DCT: variants seen among roughly 807,000 people sequenced by gnomAD.
The protein encoded by DCT is L-dopachrome tautomerase.
DCT carries 47 observed loss-of-function variants against 53.0 expected under a neutral mutation model. The observed-to-expected ratio is 0.89, with a 90% CI of 0.70 to 1.13. The LOEUF (loss-of-function observed/expected upper bound fraction) is 1.13, where lower values mean the gene tolerates loss of function less well. DCT is among the 50% of genes most tolerant of loss of function. The pLI is 0.00. For synonymous variants in DCT, 244 were observed against 237.0 expected (o/e 1.03, Z -0.27); for missense variants, 669 against 637.4 (o/e 1.05, Z -0.53).
At chr13:94,458,072 T>G (rs1883526964) in intron 6 of DCT, among the ~76,000 whole-genome samples, 1 of 152,158 alleles carries the variant, frequency 6.6e-6, no homozygotes, top group African/African-American at 2.4e-5. Context: ...TTGTCCAAGA[T>G]GCAAGATGCG....
At chr13:94,529,375 A>T in the DCT span, among the ~76,000 whole-genome samples, 1 of 152,204 alleles carries the variant, frequency 6.6e-6, no homozygotes, top group Non-Finnish European at 1.5e-5. Context: ...TCTAAAATTG[A>T]CCACATAATT....
At chr13:94,453,917 C>T (rs1160972028) in intron 6 of DCT, among the ~76,000 whole-genome samples, 2 of 152,164 alleles carry the variant, frequency 1.3e-5, no homozygotes, top group East Asian at 1.9e-4. Flanking sequence ...CAGACTGATA[C>T]ACCTATCCTT....
At chr13:94,478,132 G>C (rs1885217723) in intron 1 of DCT, among the ~76,000 whole-genome samples, 1 of 151,966 alleles carries the variant, frequency 6.6e-6, no homozygotes, top group Non-Finnish European at 1.5e-5. Context: ...AAAAGCCATT[G>C]TTATCTAATA....
chr13:94,546,317 T>C, the DCT span, among the ~76,000 whole-genome samples: 558 of 152,270 alleles, frequency 3.7e-3, 3 homozygotes, highest in African/African-American at 0.013. The surrounding 1 kb of genome is among the most constrained non-coding windows in gnomAD (Gnocchi z 4.2). Context: ...AGTTTTCACC[T>C]TCCTGACTCT....
chr13:94,495,194 T>A, the DCT span, among the ~76,000 whole-genome samples: 1 of 152,176 alleles, frequency 6.6e-6, no homozygotes, highest in East Asian at 1.9e-4. Context: ...CCTGCCAGGC[T>A]CAAGCCATCC....
chr13:94,464,032 GA>G (rs1883991759), intron 4 of DCT, among the ~76,000 whole-genome samples: 1 of 152,194 alleles, frequency 6.6e-6, no homozygotes, highest in African/African-American at 2.4e-5. Context: ...CTTGATGACG[GA>G]AATCTCTTTT....
the DCT span, among the ~76,000 whole-genome samples, chr13:94,493,324 A>G: frequency 6.6e-6 from 1 of 152,228 alleles, no homozygotes; most frequent in Non-Finnish European, 1.5e-5. Flanking sequence ...AAAATAGTAC[A>G]TATAATCATT....
At position 94,468,958 on chromosome 13, in the gene DCT, T is replaced by A; in HGVS notation, c.383A>T (p.Gln128Leu). The change falls in exon 2 of 8, where the codon CAG (glutamine) becomes CTG (leucine). Residue 128 changes from glutamine to leucine, a missense_variant. By Grantham distance (113) the Gln-to-Leu change is moderately radical. Transcript: ENST00000377028. ...CTGAGGACTCAAGGAATGGATGTTC[T>A]GCCGAATCACTGGTGGTTTCTTCCG... ...CERKKPPVIR[Q>L]NIHSLSPQER... 6.2e-7 allele frequency: 1 copy of A among 1,614,176 alleles called. No individual in the cohort carries two copies.
rs9590019 is a variant in DCT, at chr13:94,474,562, G to A, written c.295+4399C>T. Among the ~76,000 whole-genome samples, 1,483 of 152,286 alleles carry A rather than the reference G, an allele frequency of 9.7e-3. 29 individuals are homozygous for A. Among genetic ancestry groups the A allele is most frequent in the African/African-American group, 0.033 (1,351 of 41,556 alleles). On this transcript the variant is annotated intron_variant, in intron 1 of 7. Transcript: ENST00000377028. ...CACTTGTACAAACAAGAAGTTCACC[G>A]TCAACTGTTCAAAAACTATTTGGTG... is the stretch of plus-strand genomic sequence containing the variant.
In DCT at chr13:94,440,056, C is replaced by G. The variant is rs1160408816; in HGVS notation, c.1402G>C (p.Gly468Arg). 1 of 1,613,826 alleles carries G rather than the reference C, an allele frequency of 6.2e-7. No individual in the cohort carries two copies. Among genetic ancestry groups the G allele is most frequent in the Non-Finnish European group, 8.5e-7 (1 of 1,179,892 alleles). The change falls in exon 8 of 8, where the codon GGT becomes CGT. Residue 468 changes from glycine to arginine, a missense_variant. By Grantham distance (125) the Gly-to-Arg change is moderately radical (BLOSUM62 -2). Coordinates refer to ENST00000377028, the MANE Select transcript of DCT (RefSeq NM_001922.5). ...ACTACTAAGAGAGTTGTGGGCCAAC[C>G]TGGAGTTTCTTCAACTGAAACTAAA... ...DLPVSVEETP[G>R]WPTTLLVVMG...
In DCT at chr13:94,460,076, A is replaced by T. The variant is rs149962333; in HGVS notation, c.1179+15T>A. The T allele has an allele frequency of 1.9e-6, 3 of 1,611,294 alleles. No individual in the cohort carries two copies. Among genetic ancestry groups the T allele is most frequent in the Admixed American group, 1.7e-5 (1 of 59,078 alleles). ...ATCTAGAAAATTTTCATGCATTCTGAATCTTTGAACATACCACAAAAATGG... is the reference window on the plus strand; with the variant it reads ...ATCTAGAAAATTTTCATGCATTCTGTATCTTTGAACATACCACAAAAATGG... On this transcript the variant is annotated intron_variant, in intron 6 of 7. Transcript: ENST00000377028.
chr13:94,457,534 C>A (rs987587740), intron 6 of DCT, among the ~76,000 whole-genome samples: 7 of 152,152 alleles, frequency 4.6e-5, no homozygotes, highest in Admixed American at 1.3e-4. Context: ...TTCATTATGG[C>A]AGCCTGAGCA....
At chr13:94,452,614 G>T in intron 6 of DCT, 1 of 768,954 alleles carries the variant, frequency 1.3e-6, no homozygotes. Flanking sequence ...TACCTTACAT[G>T]TTCAAGGATG....
At chr13:94,507,583 C>G in the DCT span, among the ~76,000 whole-genome samples, 3 of 151,290 alleles carry the variant, frequency 2.0e-5, no homozygotes, top group Non-Finnish European at 4.4e-5. Flanking sequence ...TCACTGCAAG[C>G]TCTGCCTCCT....
upstream of DCT, among the ~76,000 whole-genome samples, chr13:94,480,455 C>T (rs553458190): frequency 4.6e-5 from 7 of 152,244 alleles, no homozygotes; most frequent in African/African-American, 1.4e-4. Context: ...AACTGTTTCA[C>T]AGTGGAAACA....
upstream of DCT, among the ~76,000 whole-genome samples, chr13:94,484,302 CAG>C (rs1885572638): frequency 1.3e-5 from 2 of 152,192 alleles, no homozygotes; most frequent in East Asian, 1.9e-4. Context: ...CTCTCAAAGA[CAG>C]GGGTTCTGTG....
chr13:94,444,794 A>G (rs971188015), intron 6 of DCT, among the ~76,000 whole-genome samples: 1 of 152,212 alleles, frequency 6.6e-6, no homozygotes. Context: ...TCACCACTGT[A>G]CCTTGTACCT....
chr13:94,529,626 GA>G, the DCT span, among the ~76,000 whole-genome samples: 1 of 152,196 alleles, frequency 6.6e-6, no homozygotes, highest in Non-Finnish European at 1.5e-5. Context: ...GAATCTCTGG[GA>G]CACATTTAAA....
the DCT span, among the ~76,000 whole-genome samples, chr13:94,513,709 G>A: frequency 6.6e-6 from 1 of 152,020 alleles, no homozygotes; most frequent in African/African-American, 2.4e-5. Context: ...AGATACCGCT[G>A]GGCACGGTGG....
Sources: allele counts gnomAD v4.1 joint callset (sites outside exome capture counted in the v4.1 genomes callset), GRCh38; gene constraint gnomAD v4.1.1; non-coding constraint Gnocchi (gnomAD v3.1); transcripts MANE v1.5; gene names NCBI Gene and HGNC (gene_info 2026-07-23, HGNC 2026-07-21).